THSD7B: variants seen among roughly 807,000 people sequenced by gnomAD.
THSD7B encodes the protein thrombospondin type-1 domain-containing protein 7B.
Under a neutral mutation model 213.6 loss-of-function variants are expected in THSD7B, and 138 were observed. The ratio of observed to expected loss-of-function variants is 0.65; its 90% CI spans 0.56 to 0.74. The LOEUF (loss-of-function observed/expected upper bound fraction) is 0.74, where lower values mean the gene tolerates loss of function less well. Ranked by LOEUF, THSD7B falls within the 30% of genes least tolerant of loss-of-function variation. The pLI, the probability that THSD7B is intolerant of heterozygous loss-of-function variation, is 0.00. For missense variants in THSD7B, 1,931 were observed against 1,991.5 expected (o/e 0.97, Z 0.58); for synonymous variants, 742 against 687.0 (o/e 1.08, Z -1.25).
Position 137,354,109 on chromosome 2 carries a change from T to C in THSD7B, c.2501-51504T>C, listed in dbSNP as rs118038231. On this transcript the variant is annotated intron_variant, in intron 12 of 27. Transcript: ENST00000409968. ...CTGCTTGAAATGATAACTATGTATA[T>C]AACTCCACTAAAATACCTTACGACA... Among the ~76,000 whole-genome samples the C allele has an allele frequency of 7.9e-3, 1,200 of 152,092 alleles. 29 individuals are homozygous for C. Among genetic ancestry groups the C allele is most frequent in the East Asian group, 0.058 (299 of 5,128 alleles).
intron 5 of THSD7B, among the ~76,000 whole-genome samples, chr2:137,152,338 T>C (rs1018540217): frequency 2.0e-5 from 3 of 152,158 alleles, no homozygotes; most frequent in African/African-American, 7.2e-5. Flanking sequence ...GCAGACAAAA[T>C]AGTCACTTAT....
At position 137,094,964 on chromosome 2, in the gene THSD7B, T is replaced by C. The variant is rs1219062672; in HGVS notation, c.1042T>C (p.Cys348Arg). 6.2e-7 allele frequency: 1 copy of C among 1,613,590 alleles called. No homozygotes were observed. The highest frequency in any genetic ancestry group is 8.5e-7 in the Non-Finnish European group (1 of 1,179,556). The change falls in exon 4 of 28, where the codon TGC becomes CGC. Residue 348 changes from cysteine to arginine, a missense_variant. Transcript: ENST00000409968. ...CTCCCAGTGGTCCTCCTGGAGCCCC[T>C]GCTCCAAGACATGCCGTTCAGGGAG... is the stretch of plus-strand genomic sequence containing the variant. ...ETSQWSSWSP[C>R]SKTCRSGSLL...
chr2:136,968,037 G>T (rs1685349025), intron 2 of THSD7B, among the ~76,000 whole-genome samples: 1 of 151,958 alleles, frequency 6.6e-6, no homozygotes. Context: ...CATTTGGATT[G>T]TTTTCATTTT....
At chr2:137,583,817 G>A (rs1681645078) in intron 17 of THSD7B, among the ~76,000 whole-genome samples, 1 of 152,208 alleles carries the variant, frequency 6.6e-6, no homozygotes, top group Non-Finnish European at 1.5e-5. Context: ...TCTTGGCAAT[G>A]TGGGCTCTTT....
At chr2:137,252,532 T>C (rs1682208978) in intron 10 of THSD7B, among the ~76,000 whole-genome samples, 2 of 152,242 alleles carry the variant, frequency 1.3e-5, no homozygotes, top group South Asian at 4.1e-4. Context: ...GAACTCCTTT[T>C]GCTGTCCTTC....
At chr2:136,949,417 T>G (rs1202773853) in intron 2 of THSD7B, among the ~76,000 whole-genome samples, 1 of 152,210 alleles carries the variant, frequency 6.6e-6, no homozygotes, top group Non-Finnish European at 1.5e-5. Flanking sequence ...CCAGATGAAA[T>G]GCATTTGAAG....
chr2:137,111,199 G>A (rs1368061), intron 4 of THSD7B, among the ~76,000 whole-genome samples: 87,171 of 152,056 alleles, frequency 0.57, 26,888 homozygotes, highest in Non-Finnish European at 0.68. Context: ...GATTAGAAGA[G>A]AAGTTATTTT....
At chr2:137,355,502 G>T (rs1317667677) in intron 12 of THSD7B, among the ~76,000 whole-genome samples, 1 of 152,082 alleles carries the variant, frequency 6.6e-6, no homozygotes, top group Non-Finnish European at 1.5e-5. Flanking sequence ...AAGATAAAAA[G>T]TATAAAGAAA....
At chr2:137,581,500 C>T (rs762933036) in intron 17 of THSD7B, among the ~76,000 whole-genome samples, 1 of 151,892 alleles carries the variant, frequency 6.6e-6, no homozygotes, top group African/African-American at 2.4e-5. Context: ...AGGCAGGACA[C>T]ACGGGAGGCT....
chr2:136,846,238 T>G (rs774962736), intron 1 of THSD7B, among the ~76,000 whole-genome samples: 1 of 152,128 alleles, frequency 6.6e-6, no homozygotes, highest in Non-Finnish European at 1.5e-5. Flanking sequence ...CTGCCTCTTC[T>G]GTCTCCTTGG....
chr2:136,876,255 A>G (rs1156472826), intron 1 of THSD7B, among the ~76,000 whole-genome samples: 1 of 152,202 alleles, frequency 6.6e-6, no homozygotes, highest in African/African-American at 2.4e-5. Flanking sequence ...ATCTATCATT[A>G]TATATAGAAG....
At chr2:137,376,965 G>T (rs1335585103) in intron 12 of THSD7B, among the ~76,000 whole-genome samples, 1 of 152,052 alleles carries the variant, frequency 6.6e-6, no homozygotes, top group Non-Finnish European at 1.5e-5. Context: ...GAAGGAAAAA[G>T]AACACTCATT....
At chr2:137,159,533 AAC>A (rs1558941933) in intron 5 of THSD7B, among the ~76,000 whole-genome samples, 1 of 151,920 alleles carries the variant, frequency 6.6e-6, no homozygotes, top group African/African-American at 2.4e-5. Context: ...TGTTGTTGGA[AAC>A]ATGGTTGCTG....
chr2:137,312,701 G>A (rs1269264986), intron 12 of THSD7B, among the ~76,000 whole-genome samples: 5 of 146,794 alleles, frequency 3.4e-5, no homozygotes, highest in South Asian at 2.2e-4. Flanking sequence ...ATTCTGGTAT[G>A]TTGTGTCTTT....
intron 5 of THSD7B, among the ~76,000 whole-genome samples, chr2:137,137,924 G>C (rs1001446945): frequency 2.6e-5 from 4 of 151,752 alleles, no homozygotes; most frequent in Non-Finnish European, 5.9e-5. Context: ...TTTGAAATAG[G>C]GTCTCACTCT....
chr2:137,221,289 A>AAAAAAC (rs1006886406), intron 7 of THSD7B, among the ~76,000 whole-genome samples: 3 of 152,110 alleles, frequency 2.0e-5, no homozygotes, highest in Non-Finnish European at 2.9e-5. Context: ...TCCGTCTCAA[A>AAAAAAC]AAAAACAAAA....
intron 12 of THSD7B, among the ~76,000 whole-genome samples, chr2:137,367,001 T>C (rs1381360960): frequency 6.6e-6 from 1 of 152,166 alleles, no homozygotes; most frequent in Admixed American, 6.6e-5. Flanking sequence ...TGATATTACA[T>C]CTTCAAGGTT....
intron 12 of THSD7B, among the ~76,000 whole-genome samples, chr2:137,335,240 T>C (rs1684610897): frequency 6.6e-6 from 1 of 152,192 alleles, no homozygotes; most frequent in Middle Eastern, 3.2e-3. Flanking sequence ...AAAAACTACC[T>C]CATGATCTTA....
At chr2:137,353,725 A>G (rs1685064655) in intron 12 of THSD7B, among the ~76,000 whole-genome samples, 1 of 152,096 alleles carries the variant, frequency 6.6e-6, no homozygotes, top group Admixed American at 6.6e-5. Context: ...CAAATCAAAG[A>G]ATCTTATACC....
Sources: allele counts gnomAD v4.1 joint callset (sites outside exome capture counted in the v4.1 genomes callset), GRCh38; gene constraint gnomAD v4.1.1; transcripts MANE v1.5; gene names NCBI Gene and HGNC (gene_info 2026-07-23, HGNC 2026-07-21).